The following ZNF718 variants were observed in gnomAD, a reference collection of about 807,000 sequenced individuals.
ZNF718 encodes zinc finger protein 718.
Under a neutral mutation model 2.6 loss-of-function variants are expected in ZNF718, and 3 were observed. That is an observed-to-expected ratio of 1.16 (90% CI 0.53 to 3.01). The LOEUF is 3.01. ZNF718 is among the 30% of genes most tolerant of loss of function. ZNF718 has a pLI of 0.03. For missense variants in ZNF718, 468 were observed against 230.0 expected, an observed-to-expected ratio of 2.03 and a Z score of -6.69; for synonymous variants, 135 against 77.9, an observed-to-expected ratio of 1.73 and a Z score of -3.86.
chr4:141,784 A>C (rs1715823048), intron 3 of ZNF718, among the ~76,000 whole-genome samples: 1 of 152,222 alleles, frequency 6.6e-6, no homozygotes, highest in Admixed American at 6.5e-5. Context: ...CTACTGACCT[A>C]CTAACACAAG....
At chr4:153,833 C>CA (rs1317186822) in intron 3 of ZNF718, among the ~76,000 whole-genome samples, 2 of 151,884 alleles carry the variant, frequency 1.3e-5, no homozygotes, top group African/African-American at 2.4e-5. Flanking sequence ...CTGAACAGAA[C>CA]AAAAAAAGCA....
chr4:165,844 C>T (rs541015700), downstream of ZNF718, among the ~76,000 whole-genome samples: 147 of 130,722 alleles, frequency 1.1e-3, no homozygotes, highest in African/African-American at 4.2e-3. Flanking sequence ...AGATATTTTA[C>T]GTTCTTTTTT....
chr4:190,628 GAGA>G lies in ZNF718; in HGVS notation c.227-10449_227-10447del, dbSNP rs1185206671. On this transcript the variant is annotated intron_variant and NMD_transcript_variant, in intron 3 of 4. Transcript: ENST00000642529. ...AAACATTGAATTAGTCTGAGCTAAC[GAGA>G]AGATTAGGGAACCTAGAATACTGAG... 2.0e-5 allele frequency among the ~76,000 whole-genome samples: 3 copies of G among 152,058 alleles called. No homozygotes were observed. In the South Asian group the frequency reaches 6.2e-4, roughly 31 times the overall value.
rs186366086 is a variant in ZNF718 at position 161,263 on chromosome 4, A to C, written c.578A>C (p.His193Pro). Residue 193 changes from histidine (H) to proline (P), a missense_variant, in exon 4 of 4, where the codon CAT (histidine) becomes CCT (proline). Coordinates refer to ENST00000510175, the MANE Select transcript of ZNF718 (RefSeq NM_001039127.6). ...LSRLTQHKRIHTGENPYTCEE... is the reference protein window; with the variant it reads ...LSRLTQHKRIPTGENPYTCEE... ...CGCCTAACTCAACACAAAAGAATTC[A>C]TACTGGAGAGAACCCCTACACATGT... 83 of 780,042 alleles carry C rather than the reference A, an allele frequency of 1.1e-4. No homozygotes were observed. In the African/African-American group the frequency reaches 1.2e-3, roughly 11 times the overall value. 48.3% of individuals were successfully genotyped at this position (780,042 alleles called of 1,614,324 possible). A position where few individuals can be genotyped will look rare whatever the true frequency, so the allele number is the denominator to read the frequency against.
intron 3 of ZNF718, among the ~76,000 whole-genome samples, chr4:156,032 C>T (rs948770525): frequency 9.2e-5 from 14 of 152,220 alleles, no homozygotes; most frequent in South Asian, 8.3e-4. Flanking sequence ...TATTCTCTTT[C>T]GTCTACCACC....
intron 3 of ZNF718, among the ~76,000 whole-genome samples, chr4:159,909 A>G (rs1343206090): frequency 4.6e-5 from 7 of 152,222 alleles, no homozygotes; most frequent in Admixed American, 4.6e-4. Context: ...CCTTGTCCTC[A>G]CATAGTCTGA....
In ZNF718 at chr4:131,463, C is replaced by A; in HGVS notation, c.184C>A (p.Pro62Thr). 4 of 529,172 alleles carry A rather than the reference C, an allele frequency of 7.6e-6. No individual in the cohort carries two copies. Among genetic ancestry groups the A allele is most frequent in the South Asian group, 3.0e-5 (1 of 33,256 alleles). 32.8% of individuals were successfully genotyped at this position (529,172 alleles called of 1,614,324 possible). A position where few individuals can be genotyped will look rare whatever the true frequency, so the allele number is the denominator to read the frequency against. ...CACCAGTCTGGAGCAAAGAAAAGAG[C>A]CCTACAATTTGAAGATACATGAAAC... ...LVTSLEQRKE[P>T]YNLKIHETAA... Residue 62 changes from proline to threonine, a missense_variant, in exon 3 of 4, where the codon CCC becomes ACC. Coordinates refer to ENST00000510175, the MANE Select transcript of ZNF718 (RefSeq NM_001039127.6).
chr4:200,909 T>C (rs906127898), intron 3 of ZNF718, among the ~76,000 whole-genome samples: 4 of 152,194 alleles, frequency 2.6e-5, no homozygotes, highest in African/African-American at 9.7e-5. Flanking sequence ...TCTCATGCAA[T>C]GCCTAAAAAG....
intron 3 of ZNF718, chr4:201,038 A>G (rs1462849188): frequency 1.3e-5 from 2 of 152,200 alleles, no homozygotes; most frequent in Non-Finnish European, 2.9e-5. Context: ...CCTTGTCGAG[A>G]GGAGAATATG....
intron 3 of ZNF718, among the ~76,000 whole-genome samples, chr4:183,993 C>T (rs1020543856): frequency 2.0e-5 from 3 of 152,228 alleles, no homozygotes; most frequent in African/African-American, 4.8e-5. Flanking sequence ...TGTGACTACA[C>T]TTTATTTCTT....
At chr4:196,287 G>A (rs1553821999) in intron 3 of ZNF718, among the ~76,000 whole-genome samples, 1 of 152,174 alleles carries the variant, frequency 6.6e-6, no homozygotes, top group Non-Finnish European at 1.5e-5. Context: ...CCTGGCAAGG[G>A]TGGTGGGGAA....
Position 164,054 on chromosome 4 carries a change from TA to T in ZNF718, c.*1933del, listed in dbSNP as rs1717026573. The T allele has an allele frequency of 7.2e-5, 11 of 152,154 alleles. No individual in the cohort carries two copies. In the South Asian group the frequency reaches 2.3e-3, roughly 31 times the overall value. The allele number at this position is 152,154 out of a possible 1,614,324, so 9.4% of individuals were successfully genotyped here. A position where few individuals can be genotyped will look rare whatever the true frequency, so the allele number is the denominator to read the frequency against. On this transcript the variant is annotated 3_prime_UTR_variant, in exon 4 of 4. Coordinates refer to ENST00000510175, the MANE Select transcript of ZNF718 (RefSeq NM_001039127.6). ...TTCATTTTTAAATGTACAATTAAAT[TA>T]TTTTTTATTACAGGTAATTTTATGA...
intron 3 of ZNF718, among the ~76,000 whole-genome samples, chr4:197,798 G>A (rs1717822267): frequency 6.6e-6 from 1 of 152,196 alleles, no homozygotes; most frequent in East Asian, 1.9e-4. Context: ...GTGTTTCATT[G>A]TGTCTCTTCC....
chr4:179,710 A>G (rs1321666420), intron 3 of ZNF718, among the ~76,000 whole-genome samples: 1 of 152,194 alleles, frequency 6.6e-6, no homozygotes, highest in African/African-American at 2.4e-5. Context: ...TCAAGTTGGT[A>G]TGGCAATAAA....
Position 162,634 on chromosome 4 carries a change from G to A in ZNF718, c.*512G>A, listed in dbSNP as rs1716945961. 1 of 152,466 alleles carries A rather than the reference G, an allele frequency of 6.6e-6. No homozygotes were observed. The highest frequency in any genetic ancestry group is 1.5e-5 in the Non-Finnish European group (1 of 68,316). The allele number at this position is 152,466 out of a possible 1,614,324, so 9.4% of individuals were successfully genotyped here. ...AAATAGTAAGAGGGTTGTAGTACCT[G>A]TACTTGCATCATGGGTCTTATTGTG... On this transcript the variant is annotated 3_prime_UTR_variant, in exon 4 of 4. Coordinates refer to ENST00000510175, the MANE Select transcript of ZNF718 (RefSeq NM_001039127.6).
Position 169,412 on chromosome 4 carries a change from C to T in ZNF718, c.227-31669C>T, listed in dbSNP as rs61794962. Among the ~76,000 whole-genome samples the T allele has an allele frequency of 1.5e-4, 23 of 151,952 alleles. 1 individual carries two copies. Among genetic ancestry groups the T allele is most frequent in the African/African-American group, 5.1e-4 (21 of 41,452 alleles). ...TTCAATTCCTGGATATCCTTGTTAACTTTCTGTCTCGTTGATCTGTCTAAT... is the reference window on the plus strand; with the variant it reads ...TTCAATTCCTGGATATCCTTGTTAATTTTCTGTCTCGTTGATCTGTCTAAT... On this transcript the variant is annotated intron_variant and NMD_transcript_variant, in intron 3 of 4. Transcript: ENST00000642529.
downstream of ZNF718, among the ~76,000 whole-genome samples, chr4:164,195 A>T (rs1553816318): frequency 6.6e-6 from 1 of 152,098 alleles, no homozygotes; most frequent in East Asian, 1.9e-4. Context: ...CTCTTCTGGC[A>T]AACATGTACA....
intron 3 of ZNF718, among the ~76,000 whole-genome samples, chr4:146,808 C>T (rs900319184): frequency 4.0e-5 from 6 of 151,144 alleles, no homozygotes; most frequent in African/African-American, 1.2e-4. Context: ...CCTGTTAAAG[C>T]TTTCTCTTAA....
downstream of ZNF718, among the ~76,000 whole-genome samples, chr4:165,303 C>T (rs1307904845): frequency 6.6e-6 from 1 of 152,102 alleles, no homozygotes; most frequent in African/African-American, 2.4e-5. Context: ...GAGTCATTTA[C>T]TGTTCACATG....
Sources: allele counts gnomAD v4.1 joint callset (sites outside exome capture counted in the v4.1 genomes callset), GRCh38; gene constraint gnomAD v4.1.1; transcripts MANE v1.5; gene names NCBI Gene and HGNC (gene_info 2026-07-23, HGNC 2026-07-21).